ANGPT2: variants seen among roughly 807,000 people sequenced by gnomAD.
ANGPT2 encodes the protein angiopoietin-2.
Under a neutral mutation model 62.9 loss-of-function variants are expected in ANGPT2, and 28 were observed. The ratio of observed to expected loss-of-function variants is 0.44; its 90% CI spans 0.33 to 0.61. ANGPT2 has a LOEUF of 0.61. ANGPT2 is among the 20% of genes least tolerant of loss of function. The pLI, the probability that ANGPT2 is intolerant of heterozygous loss-of-function variation, is 0.03. For synonymous variants in ANGPT2, 284 were observed against 207.8 expected, an observed-to-expected ratio of 1.37 and a Z score of -3.15; for missense variants, 727 against 594.9, an observed-to-expected ratio of 1.22 and a Z score of -2.31.
Position 6,512,912 on chromosome 8 carries a change from C to G in ANGPT2, c.1196+766G>C, listed in dbSNP as rs549705235. ...CCCACCTAACTCTGCCATCTCTAAA[C>G]TTGACAACTAATCTTGACTTTGAGA... On this transcript the variant is annotated intron_variant, in intron 7 of 8. Coordinates refer to ENST00000629816, the MANE Select transcript of ANGPT2 (RefSeq NM_001118887.2). 2.2e-4 allele frequency among the ~76,000 whole-genome samples: 34 copies of G among 152,338 alleles called. No homozygotes were observed. In the South Asian group the frequency reaches 6.6e-3, roughly 30 times the overall value.
intron 1 of ANGPT2, among the ~76,000 whole-genome samples, chr8:6,552,950 T>G (rs1257303761): frequency 6.6e-6 from 1 of 152,138 alleles, no homozygotes; most frequent in Non-Finnish European, 1.5e-5. Context: ...TGCCAGGGGT[T>G]AAGGGGAAGA....
intron 5 of ANGPT2, among the ~76,000 whole-genome samples, chr8:6,517,123 G>A (rs943383819): frequency 6.6e-6 from 1 of 152,214 alleles, no homozygotes; most frequent in Non-Finnish European, 1.5e-5. Context: ...AAGATACTGA[G>A]TAAAAGTGCT....
intron 3 of ANGPT2, among the ~76,000 whole-genome samples, chr8:6,523,483 G>T (rs1442196435): frequency 6.6e-6 from 1 of 152,208 alleles, no homozygotes; most frequent in Non-Finnish European, 1.5e-5. Context: ...TTAAGCCAGA[G>T]GAAACAAATC....
At position 6,508,796 on chromosome 8, in the gene ANGPT2, A is replaced by G. The variant is rs1287597131; in HGVS notation, c.1327+136T>C. Reference sequence around the variant, plus strand: ...AAAAAAGTGAAAAACACATTTACCTATATCAAGCTAGTGTGTCTACGTATG... The same window carrying G: ...AAAAAAGTGAAAAACACATTTACCTGTATCAAGCTAGTGTGTCTACGTATG... On this transcript the variant is annotated intron_variant, in intron 8 of 8. Coordinates refer to ENST00000629816, the MANE Select transcript of ANGPT2 (RefSeq NM_001118887.2). 8 of 1,229,604 alleles carry G rather than the reference A, an allele frequency of 6.5e-6. No individual in the cohort carries two copies. In the African/African-American group the frequency reaches 7.5e-5, roughly 12 times the overall value. 76.2% of individuals were successfully genotyped at this position (1,229,604 alleles called of 1,614,324 possible).
chr8:6,532,132 A>G (rs779263852), intron 2 of ANGPT2, among the ~76,000 whole-genome samples, 200 bp downstream of exon 2: 1 of 152,214 alleles, frequency 6.6e-6, no homozygotes, highest in Non-Finnish European at 1.5e-5. Flanking sequence ...ATTTAACCTC[A>G]GTATTAAAAA....
intron 1 of ANGPT2, among the ~76,000 whole-genome samples, chr8:6,560,250 T>C (rs73661404): frequency 0.13 from 19,410 of 152,100 alleles, 1,332 homozygotes; most frequent in South Asian, 0.17. Flanking sequence ...CAAAAGAAAA[T>C]ATGTAAAACC....
chr8:6,527,286 A>C (rs1169855334), intron 3 of ANGPT2, among the ~76,000 whole-genome samples: 1 of 152,154 alleles, frequency 6.6e-6, no homozygotes, highest in Non-Finnish European at 1.5e-5. Flanking sequence ...ATTAGCATGC[A>C]GAATACTGAG....
intron 1 of ANGPT2, among the ~76,000 whole-genome samples, chr8:6,538,606 C>T (rs567455934): frequency 6.6e-6 from 1 of 152,210 alleles, no homozygotes; most frequent in African/African-American, 2.4e-5. Context: ...CTTTGTATCT[C>T]CTCCTTGAGT....
intron 3 of ANGPT2, among the ~76,000 whole-genome samples, chr8:6,524,019 A>T (rs1461386400): frequency 2.0e-5 from 3 of 152,104 alleles, no homozygotes; most frequent in Admixed American, 6.5e-5. Flanking sequence ...CAATATCTTC[A>T]TTTTGTTTGT....
chr8:6,520,749 A>C (rs933582406), intron 4 of ANGPT2, among the ~76,000 whole-genome samples: 3 of 152,216 alleles, frequency 2.0e-5, no homozygotes, highest in Non-Finnish European at 4.4e-5. Context: ...TAAGGAAGGC[A>C]AAATGTGCTT....
intron 3 of ANGPT2, among the ~76,000 whole-genome samples, chr8:6,523,247 C>G (rs1817703518): frequency 6.6e-6 from 1 of 152,050 alleles, no homozygotes; most frequent in South Asian, 2.1e-4. Context: ...TCCGCCCGCC[C>G]CTGCCTCCCA....
Position 6,562,680 on chromosome 8 carries a change from G to T in ANGPT2, c.255C>A (p.Asn85Lys), listed in dbSNP as rs1825742338. ...DSVQRLQVLE[N>K]IMENNTQWLM... Reference sequence around the variant, plus strand: ...GCCACTGAGTGTTGTTTTCCATGATGTTCTCCAGCACTTGCAGCCTCTGCA... The same window carrying T: ...GCCACTGAGTGTTGTTTTCCATGATTTTCTCCAGCACTTGCAGCCTCTGCA... Residue 85 changes from asparagine (N) to lysine (K), a missense_variant, in exon 1 of 9, where the codon AAC (asparagine) becomes AAA (lysine). Physicochemically the swap from Asn to Lys is moderately conservative, Grantham distance 94. Transcript: ENST00000629816. 6.3e-7 allele frequency: 1 copy of T among 1,584,510 alleles called. No individual in the cohort carries two copies. Among genetic ancestry groups the T allele is most frequent in the South Asian group, 1.1e-5 (1 of 90,366 alleles).
intron 1 of ANGPT2, among the ~76,000 whole-genome samples, chr8:6,540,174 T>G (rs1323247682): frequency 6.6e-6 from 1 of 152,172 alleles, no homozygotes; most frequent in Non-Finnish European, 1.5e-5. Flanking sequence ...GCATATTCTT[T>G]GCATTAATTT....
chr8:6,509,187 C>G, intron 7 of ANGPT2, 125 bp from the exon 8 acceptor site: 1 of 1,234,414 alleles, frequency 8.1e-7, no homozygotes, highest in Non-Finnish European at 1.1e-6. Flanking sequence ...TGGACTAATG[C>G]ATACTCTGGA....
intron 1 of ANGPT2, among the ~76,000 whole-genome samples, chr8:6,551,927 G>C (rs546051928): frequency 6.6e-6 from 1 of 152,270 alleles, no homozygotes; most frequent in East Asian, 1.9e-4. Context: ...AATTTTTTGA[G>C]ATTCCAAAGA....
At chr8:6,525,958 A>G (rs559736157) in intron 3 of ANGPT2, among the ~76,000 whole-genome samples, 128 of 152,302 alleles carry the variant, frequency 8.4e-4, no homozygotes, top group African/African-American at 2.7e-3. Context: ...TTGAAACCCA[A>G]GTGGGGAAAC....
chr8:6,561,737 G>A (rs78261552), intron 1 of ANGPT2, among the ~76,000 whole-genome samples: 8,755 of 152,206 alleles, frequency 0.058, 739 homozygotes, highest in African/African-American at 0.18. Context: ...GAAAATTCCA[G>A]GTTCGTTTTG....
intron 5 of ANGPT2, among the ~76,000 whole-genome samples, chr8:6,519,156 G>A (rs748710975): frequency 3.3e-5 from 5 of 152,304 alleles, no homozygotes; most frequent in South Asian, 2.1e-4. Context: ...TCCAGACTGC[G>A]TTAGATGAGG....
chr8:6,523,890 A>ATTT (rs367933701), intron 3 of ANGPT2, among the ~76,000 whole-genome samples: 3 of 144,040 alleles, frequency 2.1e-5, no homozygotes, highest in African/African-American at 7.6e-5. Flanking sequence ...CCTGGCTGGC[A>ATTT]TTTTTTTTTT....
Sources: gnomAD v4.1 joint callset for allele counts (sites outside exome capture counted in the v4.1 genomes callset) on GRCh38, gnomAD v4.1.1 for gene constraint, MANE v1.5 for transcripts, NCBI Gene and HGNC (gene_info 2026-07-23, HGNC 2026-07-21) for gene names.